BRD10: variants seen among roughly 807,000 people sequenced by gnomAD.
The protein encoded by BRD10 is bromodomain containing 10.
At chr9:5,983,109 C>A in the BRD10 span, among the ~76,000 whole-genome samples, 2 of 152,068 alleles carry the variant, frequency 1.3e-5, no homozygotes, top group Non-Finnish European at 2.9e-5. Flanking sequence ...TAAATCTGAC[C>A]AGAATATTAA....
At chr9:5,885,433 C>T in the BRD10 span, among the ~76,000 whole-genome samples, 1 of 151,040 alleles carries the variant, frequency 6.6e-6, no homozygotes, top group Non-Finnish European at 1.5e-5. Flanking sequence ...TGCAATGGCT[C>T]GATCTCAGCT....
the BRD10 span, among the ~76,000 whole-genome samples, chr9:5,967,772 C>G: frequency 6.6e-6 from 1 of 150,662 alleles, no homozygotes; most frequent in Non-Finnish European, 1.5e-5. Flanking sequence ...ACATAATGTC[C>G]AAACATGTTC....
the BRD10 span, among the ~76,000 whole-genome samples, chr9:5,884,844 C>T: frequency 5.9e-5 from 9 of 152,322 alleles, no homozygotes; most frequent in South Asian, 1.4e-3. Flanking sequence ...TATTAGTGCT[C>T]TTCTCTGCTC....
At chr9:5,995,232 A>G in the BRD10 span, among the ~76,000 whole-genome samples, 2 of 152,176 alleles carry the variant, frequency 1.3e-5, no homozygotes, top group African/African-American at 2.4e-5. Flanking sequence ...GCTTCATTCC[A>G]TCACTTTCTC....
the BRD10 span, among the ~76,000 whole-genome samples, chr9:5,892,103 TTTTG>T: frequency 1.3e-5 from 2 of 152,228 alleles, no homozygotes; most frequent in Non-Finnish European, 2.9e-5. Context: ...TGAAAATGCA[TTTTG>T]TTTGTTTCTC....
At chr9:5,925,024 GAA>G in the BRD10 span, among the ~76,000 whole-genome samples, 1 of 152,138 alleles carries the variant, frequency 6.6e-6, no homozygotes, top group Non-Finnish European at 1.5e-5. Context: ...CAGGAAGACA[GAA>G]CCTATGGTAT....
At chr9:5,923,530 T>C in the BRD10 span, among the ~76,000 whole-genome samples, 1 of 152,188 alleles carries the variant, frequency 6.6e-6, no homozygotes, top group African/African-American at 2.4e-5. Flanking sequence ...AAACCTATTA[T>C]TGAGAAAATT....
At chr9:5,904,354 T>C in the BRD10 span, among the ~76,000 whole-genome samples, 2 of 152,238 alleles carry the variant, frequency 1.3e-5, no homozygotes, top group African/African-American at 4.8e-5. Flanking sequence ...TACTGTTTTC[T>C]ACCTGTTGCC....
At chr9:5,888,971 C>T in the BRD10 span, among the ~76,000 whole-genome samples, 19,176 of 152,176 alleles carry the variant, frequency 0.13, 2,355 homozygotes, top group African/African-American at 0.32. Flanking sequence ...AGCTCAGTGG[C>T]TGGTCTGAGA....
chr9:5,879,269 C>T, the BRD10 span, among the ~76,000 whole-genome samples: 2 of 151,986 alleles, frequency 1.3e-5, no homozygotes, highest in Non-Finnish European at 2.9e-5. Context: ...TCGAGACCAG[C>T]CTGGCCAACA....
the BRD10 span, chr9:5,892,316 C>G: frequency 4.0e-6 from 2 of 498,070 alleles, no homozygotes; most frequent in East Asian, 3.3e-5. Flanking sequence ...TGCAAATCCC[C>G]TCACAGAGAG....
the BRD10 span, chr9:5,969,569 A>G: frequency 1.5e-6 from 1 of 671,346 alleles, no homozygotes; most frequent in Non-Finnish European, 2.4e-6. Context: ...TTTGAGACAG[A>G]GTCTCGCTCT....
the BRD10 span, among the ~76,000 whole-genome samples, chr9:5,904,059 T>C: frequency 1.3e-5 from 2 of 152,198 alleles, no homozygotes; most frequent in Non-Finnish European, 2.9e-5. Flanking sequence ...GGTTTCACCA[T>C]GTTGCCCAGG....
the BRD10 span, among the ~76,000 whole-genome samples, chr9:5,903,888 C>T: frequency 6.6e-5 from 10 of 151,396 alleles, no homozygotes; most frequent in African/African-American, 1.7e-4. Context: ...GACAGAGTCT[C>T]GCTGTGTCAC....
chr9:5,989,349 G>A, the BRD10 span, among the ~76,000 whole-genome samples: 7 of 145,710 alleles, frequency 4.8e-5, no homozygotes, highest in Non-Finnish European at 9.0e-5. Context: ...TGGGAGGACC[G>A]ATGCTTGGGA....
the BRD10 span, chr9:6,007,508 G>A: frequency 6.2e-6 from 10 of 1,612,884 alleles, no homozygotes; most frequent in Non-Finnish European, 4.2e-6. Context: ...AGGCCCCGGT[G>A]CTTCTCCTGC....
the BRD10 span, among the ~76,000 whole-genome samples, chr9:5,942,281 A>G: frequency 1.3e-5 from 2 of 152,176 alleles, no homozygotes; most frequent in African/African-American, 4.8e-5. Context: ...TGTTTAGTAC[A>G]AGGAGTCAGG....
the BRD10 span, among the ~76,000 whole-genome samples, chr9:5,989,426 C>CA: frequency 4.1e-3 from 297 of 72,708 alleles, 2 homozygotes; most frequent in African/African-American, 7.2e-3. Flanking sequence ...GTTCCTACCT[C>CA]AAAAAAAAAA....
the BRD10 span, chr9:5,968,398 C>A: frequency 6.2e-7 from 1 of 1,612,238 alleles, no homozygotes; most frequent in Admixed American, 1.7e-5. Context: ...TTTCTATAAA[C>A]CTTATTTCAC....
Sources: gnomAD v4.1 joint callset for allele counts (sites outside exome capture counted in the v4.1 genomes callset) on GRCh38, gnomAD v4.1.1 for gene constraint, MANE v1.5 for transcripts, NCBI Gene and HGNC (gene_info 2026-07-23, HGNC 2026-07-21) for gene names.